DOCK4: variants seen among roughly 807,000 people sequenced by gnomAD.
The protein encoded by DOCK4 is dedicator of cytokinesis protein 4.
Under a neutral mutation model 268.1 loss-of-function variants are expected in DOCK4, and 97 were observed. The ratio of observed to expected loss-of-function variants is 0.36; its 90% CI spans 0.31 to 0.43. DOCK4 has a LOEUF of 0.43. DOCK4 is among the 20% of genes least tolerant of loss of function. DOCK4 has a pLI of 1.00. For synonymous variants in DOCK4, 954 were observed against 887.2 expected, an observed-to-expected ratio of 1.08 and a Z score of -1.34; for missense variants, 2,145 against 2,455.7, an observed-to-expected ratio of 0.87 and a Z score of 2.67.
intron 7 of DOCK4, 124 bp from the exon 8 acceptor site, chr7:111,977,407 G>GATTT: frequency 9.2e-7 from 1 of 1,082,816 alleles, no homozygotes; most frequent in Non-Finnish European, 1.2e-6. Context: ...TTTTGCTGTG[G>GATTT]ATTTGGTATC....
chr7:111,926,238 T>C (rs1485615177), intron 12 of DOCK4, among the ~76,000 whole-genome samples: 1 of 140,464 alleles, frequency 7.1e-6, no homozygotes, highest in Non-Finnish European at 1.5e-5. Flanking sequence ...GCCAACATGG[T>C]AAAACCCCAT....
intron 1 of DOCK4, among the ~76,000 whole-genome samples, chr7:112,027,766 T>G (rs1802931677): frequency 6.6e-6 from 1 of 152,240 alleles, no homozygotes; most frequent in Non-Finnish European, 1.5e-5. Context: ...GGACTGGGTT[T>G]ATTTTTCAAA....
chr7:112,025,135 A>G (rs963633752), intron 1 of DOCK4, among the ~76,000 whole-genome samples: 4 of 152,212 alleles, frequency 2.6e-5, no homozygotes, highest in Non-Finnish European at 5.9e-5. Context: ...AAATGCTGAC[A>G]TAAGCCAAAT....
intron 16 of DOCK4, among the ~76,000 whole-genome samples, chr7:111,892,491 T>C (rs2134359048): frequency 6.6e-6 from 1 of 152,346 alleles, no homozygotes; most frequent in South Asian, 2.1e-4. Context: ...CATGAGCCAC[T>C]GTGCCAGGCC....
intron 2 of DOCK4, among the ~76,000 whole-genome samples, chr7:112,003,601 C>T (rs1800617730): frequency 6.6e-6 from 1 of 151,858 alleles, no homozygotes. Flanking sequence ...AATTTTATTC[C>T]AAGTTTGAGG....
chr7:111,910,754 T>C (rs962264614), intron 13 of DOCK4, among the ~76,000 whole-genome samples: 4 of 152,184 alleles, frequency 2.6e-5, no homozygotes, highest in Admixed American at 1.3e-4. Flanking sequence ...ATCAGTTATT[T>C]GGCTTGGAGG....
At chr7:111,729,723 G>A (rs189949452) in intron 52 of DOCK4, among the ~76,000 whole-genome samples, 10 of 152,218 alleles carry the variant, frequency 6.6e-5, no homozygotes, top group African/African-American at 1.9e-4. Flanking sequence ...AGCCAGGGCC[G>A]CTGAGCACAC....
At chr7:112,202,029 T>C (rs1331402452) in intron 1 of DOCK4, among the ~76,000 whole-genome samples, 1 of 152,224 alleles carries the variant, frequency 6.6e-6, no homozygotes, top group Non-Finnish European at 1.5e-5. Context: ...TTCCCCTTTT[T>C]CAAGACTATA....
chr7:112,095,791 T>G (rs368862780), intron 1 of DOCK4, among the ~76,000 whole-genome samples: 1 of 151,598 alleles, frequency 6.6e-6, no homozygotes, highest in East Asian at 1.9e-4. Context: ...ATGGGTATAA[T>G]GTCTTTTAGG....
At position 112,127,416 on chromosome 7, in the gene DOCK4, G is replaced by T. The variant is rs556689072; in HGVS notation, c.37+78686C>A. Among the ~76,000 whole-genome samples the T allele has an allele frequency of 5.6e-3, 626 of 112,042 alleles. 7 individuals carry two copies. Among genetic ancestry groups the T allele is most frequent in the South Asian group, 0.013 (33 of 2,526 alleles). The allele number at this position is 112,042 out of a possible 152,430, so 73.5% of individuals were successfully genotyped here. Reference sequence around the variant, plus strand: ...CACACTCTGGGGACTGTTGTGGGGTGGGGGGAGGGGGGAGGGATAGCATTA... The same window carrying T: ...CACACTCTGGGGACTGTTGTGGGGTTGGGGGAGGGGGGAGGGATAGCATTA... On this transcript the variant is annotated intron_variant, in intron 1 of 52. Coordinates refer to ENST00000428084, the MANE Select transcript of DOCK4 (RefSeq NM_001363540.2).
chr7:112,065,671 C>G (rs945296372), intron 1 of DOCK4, among the ~76,000 whole-genome samples: 1 of 151,350 alleles, frequency 6.6e-6, no homozygotes, highest in Non-Finnish European at 1.5e-5. Context: ...TTTAACAAGT[C>G]CCCCAGATAT....
chr7:111,732,942 A>T (rs2133376697), intron 51 of DOCK4, among the ~76,000 whole-genome samples: 1 of 152,326 alleles, frequency 6.6e-6, no homozygotes, highest in Admixed American at 6.5e-5. Flanking sequence ...TTTTCTCACT[A>T]GATTTTCAAG....
chr7:111,958,894 C>G (rs1796645207), intron 8 of DOCK4, among the ~76,000 whole-genome samples: 1 of 152,164 alleles, frequency 6.6e-6, no homozygotes, highest in Admixed American at 6.5e-5. Flanking sequence ...TTGCTCATTT[C>G]ATATTTAAAA....
In DOCK4 at chr7:111,741,548, A is replaced by G. The variant is rs1234572757; in HGVS notation, c.4911T>C (p.Pro1637=). Residue 1637 remains proline (P), a synonymous_variant, in exon 46 of 53, where the codon CCT becomes CCC. Coordinates refer to ENST00000428084, the MANE Select transcript of DOCK4 (RefSeq NM_001363540.2). ...SVSPDGTRVI[P]RRSPLSYPAV... ...TTTGGAATATGACTTACCTGCGTCT[A>G]GGAATTACCCTGGTACCATCTGGGC... The G allele has an allele frequency of 4.3e-6, 7 of 1,613,120 alleles. No individual in the cohort carries two copies. Among genetic ancestry groups the G allele is most frequent in the Middle Eastern group, 1.7e-4 (1 of 6,056 alleles).
chr7:112,196,500 T>C (rs1820459729), intron 1 of DOCK4, among the ~76,000 whole-genome samples: 1 of 152,130 alleles, frequency 6.6e-6, no homozygotes, highest in African/African-American at 2.4e-5. Flanking sequence ...CTACCCACCT[T>C]CCTGTCCTGC....
At chr7:112,134,359 G>A (rs962997816) in intron 1 of DOCK4, among the ~76,000 whole-genome samples, 4 of 152,162 alleles carry the variant, frequency 2.6e-5, no homozygotes, top group African/African-American at 7.2e-5. Context: ...AATATGGCAG[G>A]TTGACCCAAT....
intron 1 of DOCK4, among the ~76,000 whole-genome samples, chr7:112,059,607 A>T (rs572499984): frequency 1.3e-5 from 2 of 152,350 alleles, no homozygotes; most frequent in Admixed American, 6.5e-5. Flanking sequence ...ACATGATAAA[A>T]TCAGAGAATT....
intron 30 of DOCK4, among the ~76,000 whole-genome samples, chr7:111,796,091 G>A (rs1799875763): frequency 1.3e-5 from 2 of 152,098 alleles, no homozygotes; most frequent in African/African-American, 2.4e-5. Flanking sequence ...TGCACCCTGG[G>A]GCATCTGGGA....
intron 1 of DOCK4, among the ~76,000 whole-genome samples, chr7:112,060,563 C>A (rs1362424645): frequency 6.6e-6 from 1 of 152,154 alleles, no homozygotes; most frequent in East Asian, 1.9e-4. Context: ...AATGGAGATG[C>A]AACCCAAGTG....
Sources: allele counts gnomAD v4.1 joint callset (sites outside exome capture counted in the v4.1 genomes callset), GRCh38; gene constraint gnomAD v4.1.1; transcripts MANE v1.5; gene names NCBI Gene and HGNC (gene_info 2026-07-23, HGNC 2026-07-21).